KLHL42: variants seen among roughly 807,000 people sequenced by gnomAD.
KLHL42 encodes kelch like family member 42.
Under a neutral mutation model 32.7 loss-of-function variants are expected in KLHL42, and 27 were observed. The observed-to-expected ratio is 0.83, with a 90% CI of 0.61 to 1.14. The LOEUF (loss-of-function observed/expected upper bound fraction) is 1.14, where lower values mean the gene tolerates loss of function less well. Among genes scored for constraint, KLHL42 ranks in the 50% most tolerant of loss-of-function variants. The pLI is 0.00. For missense variants in KLHL42, 491 were observed against 560.8 expected, an observed-to-expected ratio of 0.88 and a Z score of 1.26; for synonymous variants, 267 against 248.2, an observed-to-expected ratio of 1.08 and a Z score of -0.71.
chr12:27,782,076 CAAGA>C (rs1280365395), intron 1 of KLHL42, among the ~76,000 whole-genome samples: 1 of 152,190 alleles, frequency 6.6e-6, no homozygotes, highest in Non-Finnish European at 1.5e-5. Flanking sequence ...CAATGTAACT[CAAGA>C]AAGGATGAAA....
chr12:27,780,832 C>T lies in KLHL42; in HGVS notation c.502C>T (p.Leu168Phe). 6.2e-7 allele frequency: 1 copy of T among 1,613,880 alleles called. No homozygotes were observed. Among genetic ancestry groups the T allele is most frequent in the South Asian group, 1.1e-5 (1 of 91,088 alleles). Residue 168 changes from leucine to phenylalanine, a missense_variant, in exon 1 of 3, where the codon CTC (leucine) becomes TTC (phenylalanine). Physicochemically the swap from Leu to Phe is conservative, Grantham distance 22. Around this residue, in one of 4 missense-constraint regions of KLHL42, gnomAD observed 248 missense variants for 329.2 expected, o/e 0.75. Coordinates refer to ENST00000381271, the MANE Select transcript of KLHL42 (RefSeq NM_020782.2). The surrounding 1 kb of genome is among the most constrained non-coding windows in gnomAD (Gnocchi z 8.8). ...HEVLCKPQFHLLGSPPQAPGD... is the reference protein window; with the variant it reads ...HEVLCKPQFHFLGSPPQAPGD... ...GGTGCTGTGCAAGCCCCAGTTCCAC[C>T]TCCTGGGGTCTCCTCCCCAAGCTCC...
intron 1 of KLHL42, among the ~76,000 whole-genome samples, chr12:27,784,104 A>T (rs2062160741): frequency 1.3e-5 from 2 of 149,714 alleles, no homozygotes; most frequent in African/African-American, 4.9e-5. Context: ...CTGGATAGGT[A>T]GGGCAAAGTG....
intron 1 of KLHL42, among the ~76,000 whole-genome samples, chr12:27,785,818 A>G (rs542258490): frequency 6.6e-6 from 1 of 152,360 alleles, no homozygotes; most frequent in South Asian, 2.1e-4. Context: ...AAAAAAAACT[A>G]TGGAATATAT....
chr12:27,785,701 C>G (rs2062169063), intron 1 of KLHL42, among the ~76,000 whole-genome samples: 1 of 151,924 alleles, frequency 6.6e-6, no homozygotes, highest in Admixed American at 6.6e-5. Context: ...CTGTTGTTGT[C>G]TCTCTGCCTT....
chr12:27,789,898 AAC>A (rs1389269773), intron 1 of KLHL42, among the ~76,000 whole-genome samples: 1 of 152,176 alleles, frequency 6.6e-6, no homozygotes, highest in African/African-American at 2.4e-5. Flanking sequence ...TGATTGGAAA[AAC>A]AAACTAAAAC....
intron 2 of KLHL42, among the ~76,000 whole-genome samples, chr12:27,794,332 C>T (rs2062210034): frequency 6.6e-6 from 1 of 152,136 alleles, no homozygotes; most frequent in African/African-American, 2.4e-5. Context: ...CCATGATGCC[C>T]CTGCCTCTGT....
intron 2 of KLHL42, chr12:27,797,248 C>T: frequency 2.2e-6 from 1 of 456,494 alleles, no homozygotes; most frequent in Non-Finnish European, 4.4e-6. Context: ...TTTCACTAGA[C>T]AGCCTCTGGA....
intron 2 of KLHL42, among the ~76,000 whole-genome samples, chr12:27,796,295 G>A (rs1279551734): frequency 6.6e-6 from 1 of 152,152 alleles, no homozygotes; most frequent in African/African-American, 2.4e-5. Context: ...CAGAAGAAAG[G>A]ACTGTAAGAG....
intron 1 of KLHL42, chr12:27,787,559 C>G (rs1334472858): frequency 6.6e-6 from 1 of 150,426 alleles, no homozygotes; most frequent in Admixed American, 6.6e-5. Flanking sequence ...TCAGTGATAA[C>G]TTGCAGGAAC....
In KLHL42 at chr12:27,801,324, C is replaced by A. The variant is rs1472581435; in HGVS notation, c.*3158C>A. The A allele has an allele frequency of 6.6e-6, 1 of 152,134 alleles. No individual in the cohort carries two copies. The highest frequency in any genetic ancestry group is 1.5e-5 in the Non-Finnish European group (1 of 68,010). The allele number at this position is 152,134 out of a possible 1,614,324, so 9.4% of individuals were successfully genotyped here. On this transcript the variant is annotated 3_prime_UTR_variant, in exon 3 of 3. Transcript: ENST00000381271. Reference sequence around the variant, plus strand: ...TACAAAGGGAGTAATCAAGTAAATACCTGTTCTCTTTCAATGGACTGTTGC... The same window carrying A: ...TACAAAGGGAGTAATCAAGTAAATAACTGTTCTCTTTCAATGGACTGTTGC...
intron 1 of KLHL42, among the ~76,000 whole-genome samples, chr12:27,787,028 T>A (rs2062175374): frequency 6.6e-6 from 1 of 151,848 alleles, no homozygotes; most frequent in East Asian, 1.9e-4. Flanking sequence ...CCCGGCCAAT[T>A]GAGAGATTTT....
In KLHL42 at chr12:27,797,700, CT is replaced by C; in HGVS notation, c.1067-12del. 1.5e-6 allele frequency: 1 copy of C among 679,376 alleles called. No homozygotes were observed. The highest frequency in any genetic ancestry group is 2.7e-6 in the Non-Finnish European group (1 of 373,556). 42.1% of individuals were successfully genotyped at this position (679,376 alleles called of 1,614,324 possible). A position where few individuals can be genotyped will look rare whatever the true frequency, so the allele number is the denominator to read the frequency against. ...TAGTGGAGGCGGTGTCATCACTTGT[CT>C]TTCTTTCTTTCAGACCGGAACATGA... On this transcript the variant is annotated splice_polypyrimidine_tract_variant and intron_variant, in intron 2 of 2. Transcript: ENST00000381271.
Position 27,781,440 on chromosome 12 carries a change from T to C in KLHL42, c.872+238T>C, listed in dbSNP as rs75047236. 6.5e-3 allele frequency among the ~76,000 whole-genome samples: 991 copies of C among 152,360 alleles called. 11 individuals are homozygous for C. The highest frequency in any genetic ancestry group is 0.023 in the African/African-American group (949 of 41,588). On this transcript the variant is annotated intron_variant, in intron 1 of 2. Transcript: ENST00000381271. ...GGTTTTTTGGCAGGTATTGTGCCTT[T>C]AGGTGAAACTGCTTTCTTTGCCTCT...
At chr12:27,781,289 T>C (rs2140810532) in intron 1 of KLHL42, 87 bp downstream of exon 1, 3 of 1,397,342 alleles carry the variant, frequency 2.1e-6, no homozygotes, top group African/African-American at 1.4e-5. Flanking sequence ...AGCCAGTAAA[T>C]AGGGGAGGGT....
At chr12:27,787,196 A>G (rs1046193398) in intron 1 of KLHL42, among the ~76,000 whole-genome samples, 2 of 152,072 alleles carry the variant, frequency 1.3e-5, no homozygotes, top group Non-Finnish European at 2.9e-5. Context: ...CTCTTCACAC[A>G]TAAAAGCTTG....
chr12:27,786,848 G>A (rs1046087584), intron 1 of KLHL42, among the ~76,000 whole-genome samples: 71 of 147,620 alleles, frequency 4.8e-4, no homozygotes, highest in Admixed American at 3.9e-3. Flanking sequence ...TCAGCCTCCC[G>A]AGTAGCTAGG....
At chr12:27,792,614 C>T (rs1019034676) in intron 2 of KLHL42, among the ~76,000 whole-genome samples, 2 of 152,148 alleles carry the variant, frequency 1.3e-5, no homozygotes, top group African/African-American at 4.8e-5. Context: ...ATCTCTGCCT[C>T]CTGGGTTCAA....
chr12:27,782,639 T>C (rs527817484), intron 1 of KLHL42, among the ~76,000 whole-genome samples: 1 of 152,284 alleles, frequency 6.6e-6, no homozygotes, highest in Admixed American at 6.5e-5. Flanking sequence ...TGCATTCCTC[T>C]AGCTACACAT....
In KLHL42 at chr12:27,799,926, T is replaced by C; in HGVS notation, c.*1760T>C. On this transcript the variant is annotated 3_prime_UTR_variant, in exon 3 of 3. Transcript: ENST00000381271. ...CCCAAATATTAAGCCCTTAAAAAAA[T>C]AAAACCTCTGAACCAAAATCTTCCC... 1 of 870,258 alleles carries C rather than the reference T, an allele frequency of 1.1e-6. No individual in the cohort carries two copies. The highest frequency in any genetic ancestry group is 1.8e-5 in the African/African-American group (1 of 54,912). 53.9% of individuals were successfully genotyped at this position (870,258 alleles called of 1,614,324 possible).
Sources: gnomAD v4.1 joint callset for allele counts (sites outside exome capture counted in the v4.1 genomes callset) on GRCh38, gnomAD v4.1.1 for gene constraint, gnomAD v4.1.1 regional missense constraint, Gnocchi (gnomAD v3.1) non-coding constraint, MANE v1.5 for transcripts, NCBI Gene and HGNC (gene_info 2026-07-23, HGNC 2026-07-21) for gene names.